The following LRFN5 variants were observed in gnomAD, a reference collection of about 807,000 sequenced individuals.
LRFN5 encodes leucine rich repeat and fibronectin type III domain containing 5.
Under a neutral mutation model 45.6 loss-of-function variants are expected in LRFN5, and 24 were observed. The observed-to-expected ratio is 0.53, with a 90% CI of 0.38 to 0.74. LRFN5 has a LOEUF of 0.74. LRFN5 is among the 30% of genes least tolerant of loss of function. The pLI, the probability that LRFN5 is intolerant of heterozygous loss-of-function variation, is 0.00. For missense variants in LRFN5, 776 were observed against 861.5 expected (o/e 0.90, Z 1.24); for synonymous variants, 340 against 313.8 (o/e 1.08, Z -0.88).
intron 2 of LRFN5, among the ~76,000 whole-genome samples, chr14:41,779,992 G>A (rs1466510861): frequency 6.6e-6 from 1 of 151,450 alleles, no homozygotes; most frequent in Non-Finnish European, 1.5e-5. Context: ...CTTTCCTTAG[G>A]TTTATGTTGG....
chr14:41,635,377 T>C (rs1479963550), intron 1 of LRFN5, among the ~76,000 whole-genome samples: 1 of 152,192 alleles, frequency 6.6e-6, no homozygotes, highest in Non-Finnish European at 1.5e-5. Context: ...ATAATTTATC[T>C]GAAACTTTAT....
chr14:41,780,814 C>T (rs567972728), intron 2 of LRFN5, among the ~76,000 whole-genome samples: 1 of 151,638 alleles, frequency 6.6e-6, no homozygotes. Flanking sequence ...ACCTTCTCTC[C>T]TTATGTATTA....
intron 2 of LRFN5, among the ~76,000 whole-genome samples, chr14:41,805,767 C>T (rs1258204304): frequency 6.6e-6 from 1 of 152,026 alleles, no homozygotes; most frequent in African/African-American, 2.4e-5. Context: ...GTAGAGGATA[C>T]GTTAGAACAG....
At chr14:41,619,796 G>T (rs1594554710) in intron 1 of LRFN5, among the ~76,000 whole-genome samples, 3 of 151,772 alleles carry the variant, frequency 2.0e-5, no homozygotes, top group African/African-American at 7.3e-5. Context: ...GATTTTCTTG[G>T]CATATTTCTC....
At chr14:41,679,753 T>C (rs1881801155) in intron 1 of LRFN5, among the ~76,000 whole-genome samples, 1 of 152,086 alleles carries the variant, frequency 6.6e-6, no homozygotes, top group East Asian at 1.9e-4. Context: ...GGGGAGTTTT[T>C]CTTACTGCTT....
At chr14:41,736,794 A>C (rs1449110566) in intron 1 of LRFN5, among the ~76,000 whole-genome samples, 1 of 152,190 alleles carries the variant, frequency 6.6e-6, no homozygotes, top group Non-Finnish European at 1.5e-5. Context: ...TTCCAAGATT[A>C]AACCAGGAAG....
chr14:41,872,390 CA>C (rs1890049647), intron 2 of LRFN5, among the ~76,000 whole-genome samples: 1 of 152,096 alleles, frequency 6.6e-6, no homozygotes, highest in Non-Finnish European at 1.5e-5. Flanking sequence ...ATCATTTTAG[CA>C]TATTCATATT....
At position 41,643,642 on chromosome 14, in the gene LRFN5, C is replaced by G. The variant is rs143943922; in HGVS notation, c.-197+35080C>G. Among the ~76,000 whole-genome samples, 50 of 152,134 alleles carry G rather than the reference C, an allele frequency of 3.3e-4. 1 individual carries two copies. In the East Asian group the frequency reaches 7.5e-3, roughly 23 times the overall value. On this transcript the variant is annotated intron_variant, in intron 1 of 5. Coordinates refer to ENST00000298119, the MANE Select transcript of LRFN5 (RefSeq NM_152447.5). The stretch of plus-strand genomic sequence containing the variant: ...ACATCATTTCACATTCATCTATAAA[C>G]TATTTTTCCTGGGCACAATCTCTCC...
intron 1 of LRFN5, among the ~76,000 whole-genome samples, chr14:41,631,876 G>A (rs1888545953): frequency 6.6e-6 from 1 of 152,180 alleles, no homozygotes; most frequent in African/African-American, 2.4e-5. Flanking sequence ...AAGTCCTGGG[G>A]ACCAGTTAAA....
chr14:41,610,677 A>AAAAAAG (rs1329893464), intron 1 of LRFN5, among the ~76,000 whole-genome samples: 1 of 147,122 alleles, frequency 6.8e-6, no homozygotes, highest in African/African-American at 2.5e-5. Flanking sequence ...AAAAAAAAAA[A>AAAAAAG]AAAAAAGTGT....
intron 1 of LRFN5, among the ~76,000 whole-genome samples, chr14:41,673,907 C>A (rs1254313244): frequency 1.4e-5 from 2 of 147,992 alleles, no homozygotes; most frequent in Admixed American, 1.3e-4. Context: ...CTGATCCCCC[C>A]ACCTCCCTCC....
At chr14:41,744,759 G>A (rs1406154827) in intron 1 of LRFN5, among the ~76,000 whole-genome samples, 2 of 152,050 alleles carry the variant, frequency 1.3e-5, no homozygotes, top group Admixed American at 1.3e-4. Flanking sequence ...AATAGCAGAT[G>A]AAATAAACTT....
chr14:41,711,620 T>C (rs1156338206), intron 1 of LRFN5, among the ~76,000 whole-genome samples: 1 of 152,208 alleles, frequency 6.6e-6, no homozygotes. Context: ...TTTAATGTAG[T>C]CCCAGGTTTG....
At chr14:41,717,312 A>T (rs1328905695) in intron 1 of LRFN5, among the ~76,000 whole-genome samples, 1 of 152,192 alleles carries the variant, frequency 6.6e-6, no homozygotes, top group Non-Finnish European at 1.5e-5. Context: ...GTAGGCTTGG[A>T]TGGATCAATG....
chr14:41,719,183 A>G (rs1189902759), intron 1 of LRFN5, among the ~76,000 whole-genome samples: 1 of 152,102 alleles, frequency 6.6e-6, no homozygotes, highest in Non-Finnish European at 1.5e-5. Flanking sequence ...TGTGTTCATT[A>G]TTTTACTCTC....
chr14:41,803,794 C>G (rs1490338062), intron 2 of LRFN5, among the ~76,000 whole-genome samples: 1 of 152,092 alleles, frequency 6.6e-6, no homozygotes, highest in Non-Finnish European at 1.5e-5. Flanking sequence ...TTTATCAAGA[C>G]AGAGGAAATG....
At chr14:41,845,298 A>G (rs780998078) in intron 2 of LRFN5, among the ~76,000 whole-genome samples, 55 of 152,288 alleles carry the variant, frequency 3.6e-4, no homozygotes, top group Middle Eastern at 3.4e-3. Flanking sequence ...GACAGCATGT[A>G]TAGTCTTTTA....
At chr14:41,841,707 T>A (rs1183756376) in intron 2 of LRFN5, among the ~76,000 whole-genome samples, 1 of 151,918 alleles carries the variant, frequency 6.6e-6, no homozygotes, top group Non-Finnish European at 1.5e-5. Context: ...TGTACACTCA[T>A]TTTTTATGAG....
intron 2 of LRFN5, among the ~76,000 whole-genome samples, chr14:41,793,269 C>T (rs1886999155): frequency 6.6e-6 from 1 of 152,020 alleles, no homozygotes; most frequent in African/African-American, 2.4e-5. Flanking sequence ...CCTGACTTCC[C>T]ACAACAATTA....
Sources: gnomAD v4.1 joint callset for allele counts (sites outside exome capture counted in the v4.1 genomes callset) on GRCh38, gnomAD v4.1.1 for gene constraint, MANE v1.5 for transcripts, NCBI Gene and HGNC (gene_info 2026-07-23, HGNC 2026-07-21) for gene names.